ADPRHL1: variants seen among roughly 807,000 people sequenced by gnomAD.
ADPRHL1 encodes the protein ADP-ribosylhydrolase like 1.
In ADPRHL1, 43 loss-of-function variants were observed where a neutral mutation model predicts 44.1. That is an observed-to-expected ratio of 0.98 (90% CI 0.76 to 1.26). The LOEUF is 1.26. Among genes scored for constraint, ADPRHL1 ranks in the 50% most tolerant of loss-of-function variants. ADPRHL1 has a pLI of 0.00. For missense variants in ADPRHL1, 2,022 were observed against 2,496.9 expected (o/e 0.81, Z 4.05); for synonymous variants, 878 against 1,017.4 (o/e 0.86, Z 2.61).
chr13:113,432,408 C>T (rs532441827), intron 3 of ADPRHL1, among the ~76,000 whole-genome samples: 60 of 152,236 alleles, frequency 3.9e-4, no homozygotes, highest in Non-Finnish European at 6.9e-4. Flanking sequence ...AGCCGCTGCA[C>T]CTGCACCTGG....
At position 113,405,755 on chromosome 13, in the gene ADPRHL1, G is replaced by C; in HGVS notation, c.3527C>G (p.Ala1176Gly). The C allele has an allele frequency of 8.1e-7, 1 of 1,231,852 alleles. No individual in the cohort carries two copies. The highest frequency in any genetic ancestry group is 1.0e-6 in the Non-Finnish European group (1 of 988,050). The allele number at this position is 1,231,852 out of a possible 1,614,324, so 76.3% of individuals were successfully genotyped here. A position where few individuals can be genotyped will look rare whatever the true frequency, so the allele number is the denominator to read the frequency against. ...PRDPHSHGLL[A>G]PGGSLEPKSG... ...CTTGGGCTCCAAGGATCCCCCAGGGGCCAGGAGGCCGTGGCTGTGAGGGTC... is the reference window on the plus strand; with the variant it reads ...CTTGGGCTCCAAGGATCCCCCAGGGCCCAGGAGGCCGTGGCTGTGAGGGTC... Residue 1176 changes from alanine (A) to glycine (G), a missense_variant, in exon 8 of 8, where the codon GCC becomes GGC. Physicochemically the swap from Ala to Gly is moderately conservative, Grantham distance 60. Transcript: ENST00000612156.
At chr13:113,433,638 C>A (rs2044023017) in intron 3 of ADPRHL1, 104 bp downstream of exon 3, 1 of 1,476,216 alleles carries the variant, frequency 6.8e-7, no homozygotes, top group Non-Finnish European at 9.0e-7. Flanking sequence ...ATGGCGGCAG[C>A]TCCAGGCCCC....
At chr13:113,448,611 A>C (rs757993919) in intron 1 of ADPRHL1, among the ~76,000 whole-genome samples, 1 of 151,966 alleles carries the variant, frequency 6.6e-6, no homozygotes, top group Non-Finnish European at 1.5e-5. Flanking sequence ...CTGAAGTGCC[A>C]CTCCCAGTTA....
rs1026195462 is a variant in ADPRHL1 at position 113,400,722 on chromosome 13, A to G, written c.*2656T>C. 10 of 152,216 alleles carry G rather than the reference A, an allele frequency of 6.6e-5. No individual in the cohort carries two copies. The highest frequency in any genetic ancestry group is 1.3e-4 in the Admixed American group (2 of 15,288). 9.4% of individuals were successfully genotyped at this position (152,216 alleles called of 1,614,324 possible). A position where few individuals can be genotyped will look rare whatever the true frequency, so the allele number is the denominator to read the frequency against. ...GGCAGTTTTTTCCTGCACACAGAGT[A>G]GCTGTGCTGTTTTTGAGCTGAGGGC... On this transcript the variant is annotated 3_prime_UTR_variant, in exon 8 of 8. Coordinates refer to ENST00000612156, the MANE Select transcript of ADPRHL1 (RefSeq NM_001394807.1).
chr13:113,433,660 C>T, intron 3 of ADPRHL1, 82 bp downstream of exon 3: 2 of 1,465,048 alleles, frequency 1.4e-6, no homozygotes, highest in Non-Finnish European at 1.8e-6. Context: ...GCCCCCCACC[C>T]CACACTTAAC....
intron 3 of ADPRHL1, among the ~76,000 whole-genome samples, chr13:113,432,316 T>A (rs1180506476): frequency 1.3e-5 from 2 of 152,080 alleles, no homozygotes; most frequent in Non-Finnish European, 2.9e-5. Flanking sequence ...AGTCTCCCCG[T>A]GTTGCCCAGG....
rs545418634 is a variant in ADPRHL1 at position 113,424,772 on chromosome 13, C to T, written c.774+280G>A. Among the ~76,000 whole-genome samples, 185 of 147,910 alleles carry T rather than the reference C, an allele frequency of 1.3e-3. 5 individuals carry two copies. The highest frequency in any genetic ancestry group is 4.3e-3 in the African/African-American group (170 of 39,272). ...TCTACCTACCTGCCCTTCCATCCAC[C>T]TACCCAACCACCCATCCATATACCC... On this transcript the variant is annotated intron_variant, in intron 5 of 7. Coordinates refer to ENST00000612156, the MANE Select transcript of ADPRHL1 (RefSeq NM_001394807.1).
rs539828446 is a variant in ADPRHL1, at chr13:113,449,285, G to A, written c.214+3939C>T. 5 of 916,804 alleles carry A rather than the reference G, an allele frequency of 5.5e-6. No individual in the cohort carries two copies. In the South Asian group the frequency reaches 2.3e-4, roughly 42 times the overall value. The allele number at this position is 916,804 out of a possible 1,614,324, so 56.8% of individuals were successfully genotyped here. A position where few individuals can be genotyped will look rare whatever the true frequency, so the allele number is the denominator to read the frequency against. Reference sequence around the variant, plus strand: ...CACCGGGAAGGAGGGACCCTGTTCAGAGAGACACACCCGGAAGGAGTGAGC... The same window carrying A: ...CACCGGGAAGGAGGGACCCTGTTCAAAGAGACACACCCGGAAGGAGTGAGC... On this transcript the variant is annotated intron_variant, in intron 1 of 7. Transcript: ENST00000612156.
At chr13:113,424,691 C>CTCAT (rs1326081611) in intron 5 of ADPRHL1, among the ~76,000 whole-genome samples, 1 of 136,146 alleles carries the variant, frequency 7.3e-6, no homozygotes, top group Non-Finnish European at 1.6e-5. Flanking sequence ...CATCTATCCA[C>CTCAT]CCATCCATTC....
Position 113,409,211 on chromosome 13 carries a change from C to T in ADPRHL1, c.1062-991G>A, listed in dbSNP as rs1227342482. Reference sequence around the variant, plus strand: ...TTGATGGTGTTTTCTGAGCCTGGGTCCGGGGTAAGTTCTGCTCCTGAGCAG... The same window carrying T: ...TTGATGGTGTTTTCTGAGCCTGGGTTCGGGGTAAGTTCTGCTCCTGAGCAG... On this transcript the variant is annotated intron_variant, in intron 7 of 7. Transcript: ENST00000612156. This position sits in a 1 kb window ranked among gnomAD's most constrained non-coding sequence, Gnocchi z 4.2. 2.6e-6 allele frequency: 2 copies of T among 774,608 alleles called. No individual in the cohort carries two copies. The highest frequency in any genetic ancestry group is 1.9e-5 in the African/African-American group (1 of 52,526). The allele number at this position is 774,608 out of a possible 1,614,324, so 48.0% of individuals were successfully genotyped here. A position where few individuals can be genotyped will look rare whatever the true frequency, so the allele number is the denominator to read the frequency against.
At chr13:113,412,457 C>T (rs892011662) in intron 7 of ADPRHL1, among the ~76,000 whole-genome samples, 5 of 152,206 alleles carry the variant, frequency 3.3e-5, no homozygotes, top group African/African-American at 7.2e-5. Flanking sequence ...GGATGACAGG[C>T]GTGAGCCACC....
chr13:113,442,413 T>C (rs781353665), intron 2 of ADPRHL1, among the ~76,000 whole-genome samples: 2 of 152,234 alleles, frequency 1.3e-5, no homozygotes, highest in Non-Finnish European at 2.9e-5. Flanking sequence ...GGCACCCGTA[T>C]CTGTGCCACT....
rs568254893 is a variant in ADPRHL1 at position 113,431,353 on chromosome 13, A to G, written c.506-2261T>C. ...GACAGGCCGCAGAGACAGGCTGCAG[A>G]GACGCTTTCCAGCGGCTGTTGGGCC... On this transcript the variant is annotated intron_variant, in intron 3 of 7. Coordinates refer to ENST00000612156, the MANE Select transcript of ADPRHL1 (RefSeq NM_001394807.1). Among the ~76,000 whole-genome samples, 4 of 152,354 alleles carry G rather than the reference A, an allele frequency of 2.6e-5. No individual in the cohort carries two copies. The East Asian group carries it at 7.7e-4, about 29-fold the overall frequency.
chr13:113,448,465 CAAAAAAAAAAAAAAAAA>C (rs61278696), intron 1 of ADPRHL1, among the ~76,000 whole-genome samples: 8 of 39,844 alleles, frequency 2.0e-4, no homozygotes, highest in Non-Finnish European at 3.6e-4. Context: ...GACTATGTCC[CAAAAAAAAAAAAAAAAA>C]AAAAAAAAAT....
chr13:113,448,210 A>G (rs1393692854), intron 1 of ADPRHL1, among the ~76,000 whole-genome samples: 1 of 151,956 alleles, frequency 6.6e-6, no homozygotes, highest in Non-Finnish European at 1.5e-5. Flanking sequence ...AAGCTGCCTG[A>G]GGGGCCGGGT....
rs565338021 is a variant in ADPRHL1, at chr13:113,420,973, G to A, written c.1061+1853C>T. Among the ~76,000 whole-genome samples the A allele has an allele frequency of 1.5e-4, 12 of 77,466 alleles. 1 individual carries two copies. Among genetic ancestry groups the A allele is most frequent in the African/African-American group, 5.1e-4 (10 of 19,568 alleles). 50.8% of individuals were successfully genotyped at this position (77,466 alleles called of 152,430 possible). A position where few individuals can be genotyped will look rare whatever the true frequency, so the allele number is the denominator to read the frequency against. On this transcript the variant is annotated intron_variant, in intron 7 of 7. Coordinates refer to ENST00000612156, the MANE Select transcript of ADPRHL1 (RefSeq NM_001394807.1). ...CCCCCCCCGACACGCCCTGGGACACGCCCACCCCCCAGGACCGCCAACCCC... is the reference window on the plus strand; with the variant it reads ...CCCCCCCCGACACGCCCTGGGACACACCCACCCCCCAGGACCGCCAACCCC...
In ADPRHL1 at chr13:113,417,598, G is replaced by A. The variant is rs375802278; in HGVS notation, c.1061+5228C>T. ...TTGTCTGTCTCAGCCCTTGTTTGCT[G>A]ACCAGCAGCCGCTGCTCGGGGTGTG... On this transcript the variant is annotated intron_variant, in intron 7 of 7. Coordinates refer to ENST00000612156, the MANE Select transcript of ADPRHL1 (RefSeq NM_001394807.1). Among the ~76,000 whole-genome samples the A allele has an allele frequency of 3.3e-5, 5 of 152,348 alleles. No homozygotes were observed. In the East Asian group the frequency reaches 7.7e-4, roughly 24 times the overall value.
Position 113,429,019 on chromosome 13 carries a change from C to G in ADPRHL1, c.579G>C (p.Gly193=). 1 of 1,612,872 alleles carries G rather than the reference C, an allele frequency of 6.2e-7. No homozygotes were observed. Among genetic ancestry groups the G allele is most frequent in the Non-Finnish European group, 8.5e-7 (1 of 1,179,996 alleles). Residue 193 remains glycine, a synonymous_variant, in exon 4 of 8, where the codon GGG becomes GGC. Coordinates refer to ENST00000612156, the MANE Select transcript of ADPRHL1 (RefSeq NM_001394807.1). ...GAGGCACCGCCCGCAGCATGTCTCT[C>G]CCCCACTGGACCAGGGGCTTTCCTT... ...AAQGKPLVQW[G]RDMLRAVPLA...
chr13:113,451,029 G>A (rs918402244), intron 1 of ADPRHL1, among the ~76,000 whole-genome samples: 11 of 150,394 alleles, frequency 7.3e-5, no homozygotes, highest in Admixed American at 4.6e-4. Flanking sequence ...ACCACGATCC[G>A]CCTGGTAACG....
Sources: allele counts gnomAD v4.1 joint callset (sites outside exome capture counted in the v4.1 genomes callset), GRCh38; gene constraint gnomAD v4.1.1; non-coding constraint Gnocchi (gnomAD v3.1); transcripts MANE v1.5; gene names NCBI Gene and HGNC (gene_info 2026-07-23, HGNC 2026-07-21).